CTTNBP2: variants seen among roughly 807,000 people sequenced by gnomAD.
CTTNBP2 encodes the protein cortactin-binding protein 2.
Under a neutral mutation model 156.9 loss-of-function variants are expected in CTTNBP2, and 108 were observed. The observed-to-expected ratio is 0.69, with a 90% CI of 0.59 to 0.81. CTTNBP2 has a LOEUF of 0.81. Ranked by LOEUF, CTTNBP2 falls within the 30% of genes least tolerant of loss-of-function variation. The pLI is 0.00. For missense variants in CTTNBP2, 1,924 were observed against 2,035.4 expected, an observed-to-expected ratio of 0.95 and a Z score of 1.05; for synonymous variants, 767 against 751.8, an observed-to-expected ratio of 1.02 and a Z score of -0.33.
intron 2 of CTTNBP2, among the ~76,000 whole-genome samples, chr7:117,853,374 A>T (rs1803053966): frequency 6.6e-6 from 1 of 152,176 alleles, no homozygotes; most frequent in Non-Finnish European, 1.5e-5. Context: ...TGCCACAAAA[A>T]ATTTAAAAAT....
At chr7:117,854,766 GATTTA>G in intron 2 of CTTNBP2, among the ~76,000 whole-genome samples, 1 of 151,528 alleles carries the variant, frequency 6.6e-6, no homozygotes, top group Non-Finnish European at 1.5e-5. Flanking sequence ...AAAAATAGAT[GATTTA>G]ATTAATTAAT....
chr7:117,759,076 A>C (rs754105939), intron 10 of CTTNBP2, among the ~76,000 whole-genome samples: 10 of 152,084 alleles, frequency 6.6e-5, no homozygotes, highest in Admixed American at 1.3e-4. Context: ...GAACTGAATC[A>C]TTTCTTAATG....
rs1421110820 is a variant in CTTNBP2 at position 117,735,255 on chromosome 7, T to C, written c.3688+14A>G. 1 of 1,611,212 alleles carries C rather than the reference T, an allele frequency of 6.2e-7. No homozygotes were observed. Among genetic ancestry groups the C allele is most frequent in the East Asian group, 2.2e-5 (1 of 44,866 alleles). ...GAAGCTTGCTTCTCAGCATGGTCCCTTTATTAGCGTTACCTTTTTGGAAAG... is the reference window on the plus strand; with the variant it reads ...GAAGCTTGCTTCTCAGCATGGTCCCCTTATTAGCGTTACCTTTTTGGAAAG... On this transcript the variant is annotated intron_variant, in intron 15 of 22. Transcript: ENST00000160373.
At chr7:117,775,869 A>G (rs771957627) in intron 8 of CTTNBP2, among the ~76,000 whole-genome samples, 1 of 152,166 alleles carries the variant, frequency 6.6e-6, no homozygotes, top group Non-Finnish European at 1.5e-5. Context: ...GAATTTTTTT[A>G]TCTCTTTTGT....
chr7:117,860,533 A>C (rs1803655649), intron 2 of CTTNBP2, among the ~76,000 whole-genome samples: 1 of 151,904 alleles, frequency 6.6e-6, no homozygotes, highest in African/African-American at 2.4e-5. Flanking sequence ...TTAGTAGAGA[A>C]GGGGTTTCAC....
chr7:117,838,929 A>C (rs1802109003), intron 2 of CTTNBP2, among the ~76,000 whole-genome samples: 1 of 119,174 alleles, frequency 8.4e-6, no homozygotes, highest in African/African-American at 3.3e-5. Flanking sequence ...AGTGATTTCC[A>C]CATTTTTGTT....
At chr7:117,815,558 A>G (rs1042209546) in intron 2 of CTTNBP2, among the ~76,000 whole-genome samples, 1 of 152,190 alleles carries the variant, frequency 6.6e-6, no homozygotes, top group Non-Finnish European at 1.5e-5. Context: ...ACTTTCGGTG[A>G]CTTGGAAATT....
intron 12 of CTTNBP2, among the ~76,000 whole-genome samples, chr7:117,747,036 T>G (rs1170668525): frequency 6.6e-6 from 1 of 152,166 alleles, no homozygotes; most frequent in Non-Finnish European, 1.5e-5. Context: ...CTGACACCCC[T>G]GCACCCTGCC....
intron 2 of CTTNBP2, among the ~76,000 whole-genome samples, chr7:117,850,736 T>C (rs1183357654): frequency 6.6e-6 from 1 of 152,178 alleles, no homozygotes; most frequent in Non-Finnish European, 1.5e-5. Flanking sequence ...CTAAGAAAAA[T>C]ACCATATCAG....
chr7:117,745,914 G>A lies in CTTNBP2; in HGVS notation c.3452C>T (p.Ala1151Val), dbSNP rs776246892. The A allele has an allele frequency of 3.1e-6, 5 of 1,614,058 alleles. No homozygotes were observed. The East Asian group carries it at 6.7e-5, about 22-fold the overall frequency. The change falls in exon 14 of 23, where the codon GCA (alanine) becomes GTA (valine). Residue 1151 changes from alanine (A) to valine (V), a missense_variant. Physicochemically the swap from Ala to Val is moderately conservative, Grantham distance 64. Transcript: ENST00000160373. The stretch of plus-strand genomic sequence containing the variant: ...TCTCACTATTTCACAGGAGAATCCT[G>A]CAGCCATTTGTCTGTGCTGTGATAA... ...ALCLKHRQMA[A>V]GFSCEIVRAE...
At chr7:117,840,332 T>C (rs928162268) in intron 2 of CTTNBP2, among the ~76,000 whole-genome samples, 1 of 151,892 alleles carries the variant, frequency 6.6e-6, no homozygotes, top group African/African-American at 2.4e-5. Flanking sequence ...TAGCATCAAG[T>C]TGGGGTCAGG....
At chr7:117,755,795 T>C (rs1451506105) in intron 12 of CTTNBP2, among the ~76,000 whole-genome samples, 4 of 152,246 alleles carry the variant, frequency 2.6e-5, no homozygotes, top group Non-Finnish European at 4.4e-5. Context: ...GGGTGCACAA[T>C]TGCCCAGCAA....
chr7:117,841,495 G>A (rs987516460), intron 2 of CTTNBP2, among the ~76,000 whole-genome samples: 5 of 151,946 alleles, frequency 3.3e-5, no homozygotes, highest in African/African-American at 1.2e-4. Context: ...TTGCTATAGA[G>A]GATGAAGAGT....
intron 3 of CTTNBP2, among the ~76,000 whole-genome samples, chr7:117,796,523 C>A (rs1225221344): frequency 6.6e-6 from 1 of 152,130 alleles, no homozygotes; most frequent in African/African-American, 2.4e-5. Context: ...AATTCTGATC[C>A]CGAACTTACT....
chr7:117,808,198 C>T (rs889070356), intron 3 of CTTNBP2, among the ~76,000 whole-genome samples: 1 of 151,748 alleles, frequency 6.6e-6, no homozygotes, highest in African/African-American at 2.4e-5. Context: ...TTCCTGAATG[C>T]GAAGAAAATG....
At chr7:117,815,537 T>A (rs1800526553) in intron 2 of CTTNBP2, among the ~76,000 whole-genome samples, 1 of 152,144 alleles carries the variant, frequency 6.6e-6, no homozygotes, top group Non-Finnish European at 1.5e-5. Flanking sequence ...GATCCAATTA[T>A]CTAACCAGGA....
At chr7:117,831,153 T>C (rs1391051134) in intron 2 of CTTNBP2, among the ~76,000 whole-genome samples, 1 of 152,222 alleles carries the variant, frequency 6.6e-6, no homozygotes, top group Non-Finnish European at 1.5e-5. Context: ...TCTGTCGTTA[T>C]CCAGGAGTCC....
intron 3 of CTTNBP2, among the ~76,000 whole-genome samples, chr7:117,795,049 C>G (rs1356817734): frequency 6.6e-6 from 1 of 151,314 alleles, no homozygotes; most frequent in African/African-American, 2.4e-5. Flanking sequence ...CGCCCGCCAC[C>G]GCGCCCGGCT....
chr7:117,735,063 G>A lies in CTTNBP2; in HGVS notation c.3726C>T (p.Asn1242=). ...TGGCGATGGTTCCCATCAGAAAGCA[G>A]TTCTCATGAAAGTAATAACATTCGG... ...GLSECYYFHE[N]CFLMGTIAKA... The change falls in exon 16 of 23, where the codon AAC becomes AAT. Residue 1242 remains asparagine (N), a synonymous_variant. Coordinates refer to ENST00000160373, the MANE Select transcript of CTTNBP2 (RefSeq NM_033427.3). 1 of 1,614,096 alleles carries A rather than the reference G, an allele frequency of 6.2e-7. No homozygotes were observed. Among genetic ancestry groups the A allele is most frequent in the Non-Finnish European group, 8.5e-7 (1 of 1,179,974 alleles).
Sources: gnomAD v4.1 joint callset for allele counts (sites outside exome capture counted in the v4.1 genomes callset) on GRCh38, gnomAD v4.1.1 for gene constraint, MANE v1.5 for transcripts, NCBI Gene and HGNC (gene_info 2026-07-23, HGNC 2026-07-21) for gene names.